CASD1: variants seen among roughly 807,000 people sequenced by gnomAD.
CASD1 encodes the protein CAS1 domain sialic acid O acetyltransferase 1.
CASD1 carries 41 observed loss-of-function variants against 100.0 expected under a neutral mutation model. That is an observed-to-expected ratio of 0.41 (90% CI 0.32 to 0.53). CASD1 has a LOEUF of 0.53. CASD1 is among the 20% of genes least tolerant of loss of function. The pLI is 0.25. For missense variants in CASD1, 774 were observed against 948.7 expected (o/e 0.82, Z 2.42); for synonymous variants, 321 against 315.6 (o/e 1.02, Z -0.18).
chr7:94,622,928 A>G, the CASD1 span, among the ~76,000 whole-genome samples: 1 of 152,192 alleles, frequency 6.6e-6, no homozygotes, highest in Non-Finnish European at 1.5e-5. Context: ...ATTTTTAAAT[A>G]AAATAATAAA....
the CASD1 span, among the ~76,000 whole-genome samples, chr7:94,565,172 C>CG: frequency 6.6e-6 from 1 of 152,092 alleles, no homozygotes; most frequent in African/African-American, 2.4e-5. Flanking sequence ...TAAAGCAACT[C>CG]TGACACTTAT....
chr7:94,517,693 ATGGGTC>A (rs1273569869), intron 2 of CASD1, 37 bp downstream of exon 2: 6 of 1,278,190 alleles, frequency 4.7e-6, no homozygotes, highest in Non-Finnish European at 6.8e-6. Flanking sequence ...CTTTTTCAGG[ATGGGTC>A]TTAATATGTA....
chr7:94,634,138 A>G, the CASD1 span, among the ~76,000 whole-genome samples: 18 of 152,126 alleles, frequency 1.2e-4, 1 homozygote, highest in Non-Finnish European at 7.4e-5. Context: ...TCTCTTATAG[A>G]TGCTTTATTA....
chr7:94,513,214 G>C (rs1793805375), intron 1 of CASD1, among the ~76,000 whole-genome samples: 1 of 150,072 alleles, frequency 6.7e-6, no homozygotes, highest in Non-Finnish European at 1.5e-5. Context: ...AATCCCAGCT[G>C]CTCAGGAGGC....
At chr7:94,615,850 C>G in the CASD1 span, among the ~76,000 whole-genome samples, 7 of 152,344 alleles carry the variant, frequency 4.6e-5, no homozygotes, top group Admixed American at 1.3e-4. Context: ...CTTCTTCCCA[C>G]CAGCTTTATC....
the CASD1 span, chr7:94,599,618 C>T: frequency 1.9e-6 from 2 of 1,065,368 alleles, no homozygotes; most frequent in East Asian, 2.4e-5. Flanking sequence ...AAAAGCTTGA[C>T]ACACATGTAT....
At chr7:94,573,325 C>T in the CASD1 span, among the ~76,000 whole-genome samples, 1 of 152,096 alleles carries the variant, frequency 6.6e-6, no homozygotes, top group African/African-American at 2.4e-5. Context: ...GGCAGTATGC[C>T]CATTTTAATA....
chr7:94,628,383 G>A, the CASD1 span: 3 of 1,564,816 alleles, frequency 1.9e-6, no homozygotes, highest in Non-Finnish European at 1.8e-6. Flanking sequence ...AGAGAATTAA[G>A]ACATAAGACA....
the CASD1 span, among the ~76,000 whole-genome samples, chr7:94,614,106 T>G: frequency 1.8e-5 from 1 of 55,172 alleles, no homozygotes; most frequent in Non-Finnish European, 3.4e-5. Context: ...CAAATTGAAA[T>G]CAAAAAAAAA....
At chr7:94,559,038 G>A (rs182565200), downstream of CASD1, among the ~76,000 whole-genome samples, 59 of 152,152 alleles carry the variant, frequency 3.9e-4, no homozygotes, top group Admixed American at 1.2e-3. Context: ...GGCCTCAAGC[G>A]ATCCACCTGC....
intron 5 of CASD1, among the ~76,000 whole-genome samples, chr7:94,528,581 T>C (rs1794692324): frequency 6.6e-6 from 1 of 152,182 alleles, no homozygotes; most frequent in South Asian, 2.1e-4. Flanking sequence ...CTCTAGTGCA[T>C]TTTTCTGTTT....
At chr7:94,551,216 C>T (rs958169602) in intron 14 of CASD1, 122 bp from the exon 15 acceptor site, 1 of 628,844 alleles carries the variant, frequency 1.6e-6, no homozygotes, top group Admixed American at 4.1e-5. Context: ...CCTTCATAGA[C>T]ACTTCAAACT....
At chr7:94,527,024 G>A in intron 3 of CASD1, 138 bp from the exon 4 acceptor site, 1 of 648,092 alleles carries the variant, frequency 1.5e-6, no homozygotes, top group Non-Finnish European at 2.7e-6. Context: ...CGGGTTGAAT[G>A]TATAGATAAT....
the CASD1 span, chr7:94,624,823 T>G: frequency 1.3e-5 from 2 of 152,064 alleles, no homozygotes; most frequent in Admixed American, 1.3e-4. Context: ...AGCCTTCCCT[T>G]AATCATCACA....
At chr7:94,550,800 G>T (rs987572848) in intron 14 of CASD1, among the ~76,000 whole-genome samples, 1 of 152,102 alleles carries the variant, frequency 6.6e-6, no homozygotes, top group African/African-American at 2.4e-5. Flanking sequence ...ACGATTTTGA[G>T]TGGAAGGAAA....
At chr7:94,599,409 T>C in the CASD1 span, 5 of 410,134 alleles carry the variant, frequency 1.2e-5, no homozygotes, top group East Asian at 1.7e-4. Context: ...CTCTGGTTTA[T>C]AGAAATGCAG....
chr7:94,525,883 C>G (rs1794541608), intron 3 of CASD1, among the ~76,000 whole-genome samples: 1 of 152,180 alleles, frequency 6.6e-6, no homozygotes, highest in Non-Finnish European at 1.5e-5. Context: ...TTAATGAAAA[C>G]ATTTCAGCTT....
the CASD1 span, among the ~76,000 whole-genome samples, chr7:94,580,073 G>T: frequency 6.6e-6 from 1 of 152,068 alleles, no homozygotes; most frequent in Non-Finnish European, 1.5e-5. Context: ...ACCACTATCC[G>T]AGTCAAAGCT....
At chr7:94,515,109 A>C (rs1308654398) in intron 1 of CASD1, among the ~76,000 whole-genome samples, 1 of 152,066 alleles carries the variant, frequency 6.6e-6, no homozygotes, top group East Asian at 1.9e-4. Flanking sequence ...CATACAAAAA[A>C]GTCATTCTCT....
Sources: gnomAD v4.1 joint callset for allele counts (sites outside exome capture counted in the v4.1 genomes callset) on GRCh38, gnomAD v4.1.1 for gene constraint, MANE v1.5 for transcripts, NCBI Gene and HGNC (gene_info 2026-07-23, HGNC 2026-07-21) for gene names.